GRID2: variants seen among roughly 807,000 people sequenced by gnomAD.
GRID2 encodes the protein glutamate ionotropic receptor delta type subunit 2.
GRID2 carries 33 observed loss-of-function variants against 114.8 expected under a neutral mutation model. The ratio of observed to expected loss-of-function variants is 0.29; its 90% confidence interval spans 0.22 to 0.38. GRID2 has a LOEUF of 0.38. Ranked by LOEUF, GRID2 falls within the 10% of genes least tolerant of loss-of-function variation. The pLI is 1.00. For missense variants in GRID2, 1,184 were observed against 1,257.7 expected, an observed-to-expected ratio of 0.94 and a Z score of 0.89; for synonymous variants, 505 against 449.9, an observed-to-expected ratio of 1.12 and a Z score of -1.55.
At chr4:92,803,714 C>T (rs970516626) in intron 2 of GRID2, among the ~76,000 whole-genome samples, 4 of 152,118 alleles carry the variant, frequency 2.6e-5, no homozygotes, top group Admixed American at 2.0e-4. Context: ...GGACCCCAGG[C>T]ATGAAAGTAA....
At chr4:92,472,186 G>C (rs1313942621) in intron 1 of GRID2, among the ~76,000 whole-genome samples, 1 of 61,010 alleles carries the variant, frequency 1.6e-5, no homozygotes, top group Non-Finnish European at 3.4e-5. Context: ...GCCCGCCTCG[G>C]CCTCCCAAAG....
chr4:92,811,179 C>T (rs1378743736), intron 2 of GRID2, among the ~76,000 whole-genome samples: 1 of 152,150 alleles, frequency 6.6e-6, no homozygotes, highest in African/African-American at 2.4e-5. Flanking sequence ...CAGTATGCAA[C>T]TGTCCCTGAA....
intron 8 of GRID2, among the ~76,000 whole-genome samples, chr4:93,252,730 T>C (rs1749109011): frequency 6.6e-6 from 1 of 152,138 alleles, no homozygotes; most frequent in South Asian, 2.1e-4. Context: ...ATTTGTGTCA[T>C]CTCTGATTTC....
chr4:92,329,661 G>T (rs1726775469), intron 1 of GRID2, among the ~76,000 whole-genome samples: 1 of 151,808 alleles, frequency 6.6e-6, no homozygotes. Context: ...CATATGCCCT[G>T]GGTAAACAAT....
rs537950576 is a variant in GRID2 at position 93,618,990 on chromosome 4, G to T, written c.2194-7279G>T. The stretch of plus-strand genomic sequence containing the variant: ...TGATAATCTCCAAAAGAACAGGCAA[G>T]AAATAAGATTTAGAGGTGGGCATAA... On this transcript the variant is annotated intron_variant, in intron 13 of 15. Transcript: ENST00000282020. 2.0e-5 allele frequency among the ~76,000 whole-genome samples: 3 copies of T among 152,238 alleles called. No homozygotes were observed. In the South Asian group the frequency reaches 6.2e-4, roughly 32 times the overall value.
At chr4:92,463,079 G>T (rs914814166) in intron 1 of GRID2, among the ~76,000 whole-genome samples, 6 of 151,912 alleles carry the variant, frequency 3.9e-5, no homozygotes, top group African/African-American at 1.2e-4. Flanking sequence ...ACTGTGAAAT[G>T]CTATCATTAC....
At chr4:93,090,319 G>A (rs1055009161) in intron 3 of GRID2, among the ~76,000 whole-genome samples, 18 of 152,094 alleles carry the variant, frequency 1.2e-4, no homozygotes, top group African/African-American at 3.4e-4. Flanking sequence ...AAAGCCAGGC[G>A]GCTCTCTCCT....
intron 1 of GRID2, among the ~76,000 whole-genome samples, chr4:92,553,459 C>T (rs1726696742): frequency 6.6e-6 from 1 of 151,798 alleles, no homozygotes; most frequent in Non-Finnish European, 1.5e-5. Flanking sequence ...ATTTATGACT[C>T]CTCCTGCATT....
At chr4:92,589,109 A>C (rs1728592479) in intron 1 of GRID2, among the ~76,000 whole-genome samples, 1 of 152,120 alleles carries the variant, frequency 6.6e-6, no homozygotes, top group African/African-American at 2.4e-5. Flanking sequence ...CCATCTCAAA[A>C]ACAACCAACC....
chr4:93,762,874 G>A (rs1490002200), intron 14 of GRID2, among the ~76,000 whole-genome samples: 2 of 152,080 alleles, frequency 1.3e-5, no homozygotes, highest in African/African-American at 4.8e-5. Flanking sequence ...GAATAACAAG[G>A]TGAGGTCATC....
At chr4:93,311,051 T>C (rs1243330118) in intron 8 of GRID2, among the ~76,000 whole-genome samples, 2 of 152,158 alleles carry the variant, frequency 1.3e-5, no homozygotes, top group Admixed American at 6.5e-5. Flanking sequence ...AATCACTATA[T>C]AGATTATCAT....
intron 13 of GRID2, among the ~76,000 whole-genome samples, chr4:93,594,055 C>T (rs1358250055): frequency 2.6e-5 from 4 of 152,170 alleles, no homozygotes; most frequent in East Asian, 1.9e-4. Flanking sequence ...TCTCTCAGCT[C>T]GTCAAAGTCG....
chr4:92,593,260 G>A (rs1230542927), intron 2 of GRID2, among the ~76,000 whole-genome samples: 2 of 151,890 alleles, frequency 1.3e-5, no homozygotes, highest in African/African-American at 4.8e-5. Flanking sequence ...TCACTCAGAG[G>A]TTAGATAAGT....
At chr4:92,739,672 C>A (rs932243433) in intron 2 of GRID2, among the ~76,000 whole-genome samples, 1 of 151,702 alleles carries the variant, frequency 6.6e-6, no homozygotes, top group Non-Finnish European at 1.5e-5. Context: ...CACTCTAGGT[C>A]AGGAAAAGGA....
chr4:92,480,218 T>A (rs1285050760), intron 1 of GRID2, among the ~76,000 whole-genome samples: 1 of 152,094 alleles, frequency 6.6e-6, no homozygotes, highest in East Asian at 1.9e-4. Flanking sequence ...AGGAAAGAAA[T>A]GGAATGAGAA....
intron 2 of GRID2, among the ~76,000 whole-genome samples, chr4:92,621,087 G>A (rs1191568826): frequency 6.6e-6 from 1 of 151,236 alleles, no homozygotes; most frequent in Non-Finnish European, 1.5e-5. Flanking sequence ...ACATGTGCAA[G>A]ATGCACAGGC....
intron 1 of GRID2, among the ~76,000 whole-genome samples, chr4:93,795,587 G>T (rs1253146830): frequency 1.3e-5 from 2 of 151,832 alleles, no homozygotes; most frequent in Admixed American, 6.6e-5. Context: ...TTTATTGCTT[G>T]GTATAATTTT....
intron 13 of GRID2, among the ~76,000 whole-genome samples, chr4:93,611,179 A>G (rs1201259002): frequency 2.1e-5 from 2 of 94,962 alleles, no homozygotes; most frequent in African/African-American, 9.8e-5. Flanking sequence ...ATCATTTTTT[A>G]TTGTGTCTAT....
At chr4:92,541,156 G>T (rs7660908) in intron 1 of GRID2, among the ~76,000 whole-genome samples, 2 of 152,010 alleles carry the variant, frequency 1.3e-5, no homozygotes, top group Admixed American at 6.6e-5. Context: ...GGTGGGGAGA[G>T]GGGGGAGGGA....
Sources: gnomAD v4.1 joint callset for allele counts (sites outside exome capture counted in the v4.1 genomes callset) on GRCh38, gnomAD v4.1.1 for gene constraint, MANE v1.5 for transcripts, NCBI Gene and HGNC (gene_info 2026-07-23, HGNC 2026-07-21) for gene names.